The following SNTA1 variants were observed in gnomAD, a reference collection of about 807,000 sequenced individuals.
The protein encoded by SNTA1 is syntrophin alpha 1.
A neutral mutation model predicts 47.1 loss-of-function variants in SNTA1; 31 were observed. That is an observed-to-expected ratio of 0.66 (90% CI 0.49 to 0.89). The LOEUF is 0.89. Among genes scored for constraint, SNTA1 ranks in the 40% least tolerant of loss-of-function variants. The pLI is 0.00. For synonymous variants in SNTA1, 300 were observed against 313.6 expected (o/e 0.96, Z 0.46); for missense variants, 575 against 693.0 (o/e 0.83, Z 1.91).
chr20:33,408,667 C>T lies in SNTA1; in HGVS notation c.1425+34G>A, dbSNP rs373204966. 14 of 1,612,632 alleles carry T rather than the reference C, an allele frequency of 8.7e-6. No homozygotes were observed. The African/African-American group carries it at 1.3e-4, about 15-fold the overall frequency. On this transcript the variant is annotated intron_variant, in intron 7 of 7. Coordinates refer to ENST00000217381, the MANE Select transcript of SNTA1 (RefSeq NM_003098.3). ...TGGCCTCCGAGAGTGCACACCCCCT[C>T]CTCCCCAGGGTGCAGAGGCAGCCCC... is the stretch of plus-strand genomic sequence containing the variant.
intron 3 of SNTA1, 55 bp from the exon 4 acceptor site, chr20:33,412,837 A>C (rs1201007623): frequency 2.3e-6 from 3 of 1,295,600 alleles, no homozygotes; most frequent in Non-Finnish European, 3.3e-6. Context: ...GCAGCTGCCC[A>C]ACCCTGGCCC....
At chr20:33,422,214 G>T (rs1172536202) in intron 2 of SNTA1, among the ~76,000 whole-genome samples, 1 of 152,228 alleles carries the variant, frequency 6.6e-6, no homozygotes, top group East Asian at 1.9e-4. Context: ...GCCGAGGCGG[G>T]TGGATCACGA....
At chr20:33,416,032 CGGGA>C (rs1989865439) in intron 3 of SNTA1, among the ~76,000 whole-genome samples, 1 of 151,942 alleles carries the variant, frequency 6.6e-6, no homozygotes, top group Non-Finnish European at 1.5e-5. Flanking sequence ...CGCTTGAACC[CGGGA>C]GAAGGGGACC....
rs560442990 is a variant in SNTA1, at chr20:33,417,156, T to C, written c.701+563A>G. Among the ~76,000 whole-genome samples, 65 of 152,092 alleles carry C rather than the reference T, an allele frequency of 4.3e-4. No homozygotes were observed. In the South Asian group the frequency reaches 8.5e-3, roughly 20 times the overall value. On this transcript the variant is annotated intron_variant, in intron 3 of 7. Transcript: ENST00000217381. ...ATAAAATAAAATGGAGGTGAAATAA[T>C]AGGACTTTGCCCATTGGGCCTCTGT...
At chr20:33,420,748 A>G (rs144116488) in intron 2 of SNTA1, among the ~76,000 whole-genome samples, 1 of 152,164 alleles carries the variant, frequency 6.6e-6, no homozygotes, top group Non-Finnish European at 1.5e-5. Context: ...GGTAGGCCAC[A>G]GTGGGTGGAT....
Position 33,408,539 on chromosome 20 carries a change from C to G in SNTA1, c.1486G>C (p.Ala496Pro), listed in dbSNP as rs1463586615. The change falls in exon 8 of 8, where the codon GCC (alanine) becomes CCC (proline). Residue 496 changes from alanine (A) to proline (P), a missense_variant. Coordinates refer to ENST00000217381, the MANE Select transcript of SNTA1 (RefSeq NM_003098.3). Reference protein sequence around the residue: ...IVFIIHSFLSAKVTRLGLLA With the variant: ...IVFIIHSFLSPKVTRLGLLA Reference sequence around the variant, plus strand: ...AACAGCCCGAGGCGGGTGACTTTGGCCGACAGGAAGGAGTGGATGATGAAG... The same window carrying G: ...AACAGCCCGAGGCGGGTGACTTTGGGCGACAGGAAGGAGTGGATGATGAAG... The G allele has an allele frequency of 6.2e-7, 1 of 1,614,000 alleles. No individual in the cohort carries two copies. Among genetic ancestry groups the G allele is most frequent in the Non-Finnish European group, 8.5e-7 (1 of 1,179,998 alleles).
In SNTA1 at chr20:33,435,508, G is replaced by A. The variant is rs369501668; in HGVS notation, c.496+3333C>T. ...AGCTACAGAACTGAGGCAGAGAATC[G>A]CTTGAACCTGGGAGAAGGAGGTTGC... On this transcript the variant is annotated intron_variant, in intron 2 of 7. Coordinates refer to ENST00000217381, the MANE Select transcript of SNTA1 (RefSeq NM_003098.3). 1.8e-4 allele frequency among the ~76,000 whole-genome samples: 28 copies of A among 152,186 alleles called. 1 individual carries two copies. The South Asian group carries it at 3.7e-3, about 20-fold the overall frequency.
chr20:33,414,398 A>C (rs1458147915), intron 3 of SNTA1, among the ~76,000 whole-genome samples: 3 of 151,830 alleles, frequency 2.0e-5, no homozygotes, highest in Admixed American at 2.0e-4. Context: ...TTCAAAACCA[A>C]CCTAGCCAAC....
intron 3 of SNTA1, among the ~76,000 whole-genome samples, chr20:33,413,398 G>C (rs765126181): frequency 2.6e-5 from 4 of 152,064 alleles, no homozygotes; most frequent in Non-Finnish European, 2.9e-5. Context: ...CAAAGTGCTG[G>C]GATTACAGGC....
At chr20:33,412,911 C>G in intron 3 of SNTA1, 129 bp from the exon 4 acceptor site, 1 of 706,738 alleles carries the variant, frequency 1.4e-6, no homozygotes, top group South Asian at 1.5e-5. Flanking sequence ...GAATCAGGAG[C>G]AACCCTCACT....
intron 2 of SNTA1, among the ~76,000 whole-genome samples, chr20:33,419,120 G>T (rs1454463289): frequency 6.6e-6 from 1 of 151,864 alleles, no homozygotes; most frequent in African/African-American, 2.4e-5. Flanking sequence ...AAAAAAAAAT[G>T]ATGACTTTCC....
chr20:33,413,951 AAAAC>A (rs1568749301), intron 3 of SNTA1, among the ~76,000 whole-genome samples: 1 of 151,628 alleles, frequency 6.6e-6, no homozygotes, highest in Non-Finnish European at 1.5e-5. Context: ...AAAAAACAGA[AAAAC>A]AGACAGGGTG....
At chr20:33,441,437 T>A (rs1189100041) in intron 1 of SNTA1, among the ~76,000 whole-genome samples, 2 of 152,086 alleles carry the variant, frequency 1.3e-5, no homozygotes, top group African/African-American at 4.8e-5. Context: ...GTCACACAAG[T>A]CTGGTGGCGG....
chr20:33,443,524 GC>G lies in SNTA1; in HGVS notation c.96del (p.Leu33Ter). On this transcript the variant is annotated frameshift_variant, in exon 1 of 8. Transcript: ENST00000217381. LOFTEE classifies it high-confidence loss of function. ...GTCAGCACGTCCTCCGCCAGACTCA[GC>G]AGCACCCGCTGCCATCGCTCGCCGC... ...GAGGERWQRV[L>X]LSLAEDVLTV... 1 of 1,356,252 alleles carries G rather than the reference GC, an allele frequency of 7.4e-7. No homozygotes were observed. The highest frequency in any genetic ancestry group is 9.5e-7 in the Non-Finnish European group (1 of 1,047,496). 84.0% of individuals were successfully genotyped at this position (1,356,252 alleles called of 1,614,324 possible). A position where few individuals can be genotyped will look rare whatever the true frequency, so the allele number is the denominator to read the frequency against.
intron 3 of SNTA1, 105 bp from the exon 4 acceptor site, chr20:33,412,887 G>T: frequency 1.3e-6 from 1 of 770,818 alleles, no homozygotes; most frequent in African/African-American, 1.7e-5. Context: ...GAAACCAGGG[G>T]GATGTCCGTG....
At chr20:33,431,604 C>T (rs1990310027) in intron 2 of SNTA1, among the ~76,000 whole-genome samples, 1 of 152,016 alleles carries the variant, frequency 6.6e-6, no homozygotes, top group South Asian at 2.1e-4. Context: ...AAAAAATTAG[C>T]CAGGCATGGT....
rs760390793 is a variant in SNTA1, at chr20:33,418,792, CAAAAAAAAAAAAAAA to C, written c.497-884_497-870del. ...TGGGTGACATAACAAGACTCTGTCT[CAAAAAAAAAAAAAAA>C]AAAAAAAAAAAAAAAGACTCCCAGG... is the stretch of plus-strand genomic sequence containing the variant. On this transcript the variant is annotated intron_variant, in intron 2 of 7. Coordinates refer to ENST00000217381, the MANE Select transcript of SNTA1 (RefSeq NM_003098.3). 2.1e-4 allele frequency among the ~76,000 whole-genome samples: 12 copies of C among 57,434 alleles called. 1 individual carries two copies. Among genetic ancestry groups the C allele is most frequent in the African/African-American group, 1.1e-3 (11 of 10,366 alleles). The allele number at this position is 57,434 out of a possible 152,430, so 37.7% of individuals were successfully genotyped here. A position where few individuals can be genotyped will look rare whatever the true frequency, so the allele number is the denominator to read the frequency against.
Position 33,408,335 on chromosome 20 carries a change from CT to C in SNTA1, c.*171del. On this transcript the variant is annotated 3_prime_UTR_variant, in exon 8 of 8. Coordinates refer to ENST00000217381, the MANE Select transcript of SNTA1 (RefSeq NM_003098.3). ...AGGCAGAGTCCACTCTGTCCTGCGTCTGGGTCCTGGGCCCCAAGACCAATCC... is the reference window on the plus strand; with the variant it reads ...AGGCAGAGTCCACTCTGTCCTGCGTCGGGTCCTGGGCCCCAAGACCAATCC... 1 of 665,554 alleles carries C rather than the reference CT, an allele frequency of 1.5e-6. No homozygotes were observed. The highest frequency in any genetic ancestry group is 1.6e-5 in the South Asian group (1 of 61,210). 41.2% of individuals were successfully genotyped at this position (665,554 alleles called of 1,614,324 possible).
At chr20:33,419,835 GA>G (rs1201828971) in intron 2 of SNTA1, among the ~76,000 whole-genome samples, 1 of 151,948 alleles carries the variant, frequency 6.6e-6, no homozygotes, top group African/African-American at 2.4e-5. Context: ...GAGATGTGAG[GA>G]AAAAAACACT....
Sources: allele counts gnomAD v4.1 joint callset (sites outside exome capture counted in the v4.1 genomes callset), GRCh38; gene constraint gnomAD v4.1.1; transcripts MANE v1.5; gene names NCBI Gene and HGNC (gene_info 2026-07-23, HGNC 2026-07-21).